SPOCK1: variants seen among roughly 807,000 people sequenced by gnomAD.
The protein encoded by SPOCK1 is SPARC (osteonectin), cwcv and kazal like domains proteoglycan 1.
Under a neutral mutation model 55.3 loss-of-function variants are expected in SPOCK1, and 23 were observed. The observed-to-expected ratio is 0.42, with a 90% confidence interval of 0.30 to 0.59. The LOEUF (loss-of-function observed/expected upper bound fraction) is 0.59. SPOCK1 is among the 20% of genes least tolerant of loss of function. SPOCK1 has a pLI of 0.22. For missense variants in SPOCK1, 499 were observed against 552.5 expected (o/e 0.90, Z 0.97); for synonymous variants, 226 against 221.0 (o/e 1.02, Z -0.20).
At chr5:137,408,862 G>A (rs1752154473) in intron 2 of SPOCK1, among the ~76,000 whole-genome samples, 1 of 152,168 alleles carries the variant, frequency 6.6e-6, no homozygotes, top group Admixed American at 6.5e-5. Flanking sequence ...ATGCTTCTTA[G>A]CCTCTGGGAG....
chr5:137,333,965 A>C (rs987312210), intron 2 of SPOCK1, among the ~76,000 whole-genome samples: 1 of 152,222 alleles, frequency 6.6e-6, no homozygotes, highest in African/African-American at 2.4e-5. Context: ...CCAATGCATC[A>C]CTGTGAACAT....
At chr5:137,417,611 C>T (rs1040692207) in intron 2 of SPOCK1, among the ~76,000 whole-genome samples, 7 of 152,200 alleles carry the variant, frequency 4.6e-5, no homozygotes, top group Admixed American at 1.3e-4. Flanking sequence ...TAGAACTTTA[C>T]ATTAAGAAAA....
intron 4 of SPOCK1, 48 bp from the exon 5 acceptor site, chr5:137,112,609 A>G: frequency 6.3e-7 from 1 of 1,588,310 alleles, no homozygotes; most frequent in Non-Finnish European, 8.5e-7. Context: ...TCCAGACCCT[A>G]TGAGTCTTTC....
At chr5:137,249,934 A>G (rs1756475256) in intron 3 of SPOCK1, among the ~76,000 whole-genome samples, 2 of 152,172 alleles carry the variant, frequency 1.3e-5, no homozygotes, top group South Asian at 4.1e-4. Context: ...AGAGATTAAA[A>G]CCTGGTTGAG....
intron 2 of SPOCK1, among the ~76,000 whole-genome samples, chr5:137,448,241 T>TGGG (rs1753171481): frequency 6.6e-6 from 1 of 152,076 alleles, no homozygotes; most frequent in African/African-American, 2.4e-5. Flanking sequence ...AGAACAAGAC[T>TGGG]TCATCTCAAA....
intron 2 of SPOCK1, among the ~76,000 whole-genome samples, chr5:137,443,133 C>G (rs1250123657): frequency 1.3e-5 from 2 of 152,082 alleles, no homozygotes; most frequent in Non-Finnish European, 2.9e-5. Flanking sequence ...GCCACTTTGG[C>G]TGGACAGCTA....
chr5:137,376,169 C>G (rs1544374), intron 2 of SPOCK1, among the ~76,000 whole-genome samples: 11,723 of 152,192 alleles, frequency 0.077, 1,231 homozygotes, highest in African/African-American at 0.24. Context: ...GGTCTGGGGA[C>G]AGGTAGGGCC....
intron 5 of SPOCK1, among the ~76,000 whole-genome samples, chr5:137,102,444 G>A (rs368166736): frequency 2.6e-5 from 4 of 152,052 alleles, no homozygotes; most frequent in South Asian, 2.1e-4. Flanking sequence ...AAACAAAGAC[G>A]AGAGATGGAA....
chr5:137,035,038 C>G (rs1214299699), intron 6 of SPOCK1, among the ~76,000 whole-genome samples: 1 of 152,300 alleles, frequency 6.6e-6, no homozygotes, highest in Middle Eastern at 3.4e-3. Flanking sequence ...GTTCTTCCAT[C>G]AGATGCATGC....
In SPOCK1 at chr5:137,105,829, T is replaced by G. The variant is rs140294374; in HGVS notation, c.474+6606A>C. Among the ~76,000 whole-genome samples, 148 of 152,318 alleles carry G rather than the reference T, an allele frequency of 9.7e-4. 1 individual carries two copies. Among genetic ancestry groups the G allele is most frequent in the African/African-American group, 3.4e-3 (140 of 41,576 alleles). ...TGTGTCGAGACATAATTGAGCCATTTGCTAATTGTTTAACAGCAATTAAGG... is the reference window on the plus strand; with the variant it reads ...TGTGTCGAGACATAATTGAGCCATTGGCTAATTGTTTAACAGCAATTAAGG... On this transcript the variant is annotated intron_variant, in intron 5 of 10. Coordinates refer to ENST00000394945, the MANE Select transcript of SPOCK1 (RefSeq NM_004598.4).
intron 3 of SPOCK1, among the ~76,000 whole-genome samples, chr5:137,153,916 G>T (rs1388214571): frequency 6.6e-6 from 1 of 151,646 alleles, no homozygotes. Flanking sequence ...GCAGGGAGAG[G>T]AAAGAAGAAA....
chr5:136,976,711 A>T lies in SPOCK1; in HGVS notation c.*1943T>A, dbSNP rs949838544. On this transcript the variant is annotated 3_prime_UTR_variant, in exon 11 of 11. Coordinates refer to ENST00000394945, the MANE Select transcript of SPOCK1 (RefSeq NM_004598.4). Reference sequence around the variant, plus strand: ...ACAAAGGTGATGGAGTTGAGATCCCAAAACAGAGTTTGCCTATGGTCTGTC... The same window carrying T: ...ACAAAGGTGATGGAGTTGAGATCCCTAAACAGAGTTTGCCTATGGTCTGTC... The T allele has an allele frequency of 1.3e-5, 2 of 152,494 alleles. No homozygotes were observed. The highest frequency in any genetic ancestry group is 6.5e-5 in the Admixed American group (1 of 15,284). 9.4% of individuals were successfully genotyped at this position (152,494 alleles called of 1,614,324 possible).
At chr5:137,356,823 A>ATG (rs1441122287) in intron 2 of SPOCK1, among the ~76,000 whole-genome samples, 1 of 38,978 alleles carries the variant, frequency 2.6e-5, no homozygotes, top group Non-Finnish European at 5.0e-5. Flanking sequence ...ATATATATAT[A>ATG]TATATATATA....
At chr5:137,314,237 G>A (rs1757837944) in intron 2 of SPOCK1, among the ~76,000 whole-genome samples, 1 of 152,136 alleles carries the variant, frequency 6.6e-6, no homozygotes, top group Non-Finnish European at 1.5e-5. Context: ...GCACATCACT[G>A]CTCATCAGTG....
intron 6 of SPOCK1, among the ~76,000 whole-genome samples, chr5:137,001,015 A>T (rs1561575916): frequency 6.6e-6 from 1 of 152,164 alleles, no homozygotes; most frequent in Non-Finnish European, 1.5e-5. Context: ...AAAATAAATA[A>T]ATAAAAAATA....
intron 6 of SPOCK1, among the ~76,000 whole-genome samples, chr5:136,996,641 C>A (rs931936710): frequency 7.2e-5 from 11 of 152,148 alleles, no homozygotes; most frequent in African/African-American, 2.7e-4. Flanking sequence ...ACTCAGAGAA[C>A]TTTTCTGTCT....
chr5:137,343,002 T>A (rs569951728), intron 2 of SPOCK1, among the ~76,000 whole-genome samples: 1 of 152,340 alleles, frequency 6.6e-6, no homozygotes, highest in South Asian at 2.1e-4. Context: ...TGATGCCAGA[T>A]CAAGTGTTAA....
At chr5:137,319,379 C>T (rs1044257393) in intron 2 of SPOCK1, among the ~76,000 whole-genome samples, 5 of 152,182 alleles carry the variant, frequency 3.3e-5, no homozygotes, top group Non-Finnish European at 7.3e-5. Context: ...CCATTCATTA[C>T]CCCTTTCTTT....
At chr5:137,127,064 G>T (rs1321533328) in intron 4 of SPOCK1, among the ~76,000 whole-genome samples, 1 of 152,178 alleles carries the variant, frequency 6.6e-6, no homozygotes, top group Non-Finnish European at 1.5e-5. Context: ...GAATGCCAAG[G>T]GTGTGGTAAA....
Sources: gnomAD v4.1 joint callset for allele counts (sites outside exome capture counted in the v4.1 genomes callset) on GRCh38, gnomAD v4.1.1 for gene constraint, MANE v1.5 for transcripts, NCBI Gene and HGNC (gene_info 2026-07-23, HGNC 2026-07-21) for gene names.